PTK2: variants seen among roughly 807,000 people sequenced by gnomAD.
The protein encoded by PTK2 is protein tyrosine kinase 2, also known as focal adhesion kinase 1.
Under a neutral mutation model 150.1 loss-of-function variants are expected in PTK2, and 45 were observed. The observed-to-expected ratio is 0.30, with a 90% CI of 0.24 to 0.38. The LOEUF (loss-of-function observed/expected upper bound fraction) is 0.38, where lower values mean the gene tolerates loss of function less well. Ranked by LOEUF, PTK2 falls within the 10% of genes least tolerant of loss-of-function variation. PTK2 has a pLI of 1.00. For synonymous variants in PTK2, 432 were observed against 449.2 expected (o/e 0.96, Z 0.48); for missense variants, 919 against 1,307.3 (o/e 0.70, Z 4.58).
intron 21 of PTK2, among the ~76,000 whole-genome samples, chr8:140,737,781 T>C (rs908219630): frequency 6.6e-5 from 10 of 152,176 alleles, no homozygotes; most frequent in Admixed American, 5.9e-4. Flanking sequence ...TGTAAAAAAA[T>C]AGGCATCTTA....
At chr8:140,835,471 T>C (rs1419136757) in intron 7 of PTK2, among the ~76,000 whole-genome samples, 1 of 152,232 alleles carries the variant, frequency 6.6e-6, no homozygotes, top group Non-Finnish European at 1.5e-5. Flanking sequence ...GAATTGAGTA[T>C]ATTTAATTTA....
intron 29 of PTK2, chr8:140,669,155 T>C (rs1347735787): frequency 6.6e-6 from 1 of 151,962 alleles, no homozygotes; most frequent in African/African-American, 2.4e-5. Flanking sequence ...TAACAATGTC[T>C]ACCTAGGGCC....
intron 29 of PTK2, among the ~76,000 whole-genome samples, chr8:140,671,910 C>A (rs1400194290): frequency 7.3e-6 from 1 of 137,706 alleles, no homozygotes; most frequent in Non-Finnish European, 1.5e-5. Context: ...CCAGCCTGGG[C>A]AACAGAGTGA....
At chr8:140,669,677 G>A (rs975232373) in intron 29 of PTK2, 50 bp downstream of exon 33, 19 of 1,520,296 alleles carry the variant, frequency 1.2e-5, no homozygotes, top group East Asian at 2.4e-5. Context: ...GCAGAGAGCC[G>A]GGTGTGATAG....
intron 2 of PTK2, among the ~76,000 whole-genome samples, chr8:140,912,192 A>G (rs1375548912): frequency 6.6e-6 from 1 of 152,032 alleles, no homozygotes; most frequent in Non-Finnish European, 1.5e-5. Flanking sequence ...ACAGTGAGCT[A>G]TGATTATGAC....
chr8:140,741,078 A>G (rs1176983160), intron 20 of PTK2, among the ~76,000 whole-genome samples: 1 of 152,038 alleles, frequency 6.6e-6, no homozygotes, highest in Non-Finnish European at 1.5e-5. Flanking sequence ...CAGGAGGTTG[A>G]GGCTGCAGTG....
At chr8:140,840,062 C>T (rs1192491896) in intron 7 of PTK2, among the ~76,000 whole-genome samples, 1 of 152,118 alleles carries the variant, frequency 6.6e-6, no homozygotes, top group East Asian at 1.9e-4. Flanking sequence ...GTCTGAGATA[C>T]AAAAATGGTT....
intron 27 of PTK2, 82 bp downstream of exon 30, chr8:140,686,550 C>A (rs908509454): frequency 2.8e-6 from 3 of 1,074,134 alleles, no homozygotes; most frequent in Non-Finnish European, 4.3e-6. Flanking sequence ...TATTAGTAAA[C>A]TTGGATATAT....
At chr8:140,933,589 T>C (rs1254448961) in intron 1 of PTK2, among the ~76,000 whole-genome samples, 1 of 152,238 alleles carries the variant, frequency 6.6e-6, no homozygotes. Flanking sequence ...GAAGTACTGA[T>C]ACATGCTACA....
chr8:140,871,952 T>C (rs2100142774), intron 4 of PTK2, among the ~76,000 whole-genome samples: 2 of 151,996 alleles, frequency 1.3e-5, no homozygotes, highest in South Asian at 2.1e-4. Context: ...CTCACACCTA[T>C]AATCCCAGCA....
chr8:140,924,205 C>T (rs995680502), intron 2 of PTK2, among the ~76,000 whole-genome samples: 4 of 152,108 alleles, frequency 2.6e-5, no homozygotes, highest in Non-Finnish European at 5.9e-5. Context: ...CTTGCCCCCG[C>T]GTTATCCACA....
chr8:140,780,256 C>T (rs2100080907), intron 14 of PTK2, among the ~76,000 whole-genome samples: 1 of 152,122 alleles, frequency 6.6e-6, no homozygotes, highest in Non-Finnish European at 1.5e-5. Flanking sequence ...TTAATGTCAA[C>T]AGCTGCTAAA....
At chr8:140,799,226 T>G (rs1169197320) in intron 12 of PTK2, 1 of 152,282 alleles carries the variant, frequency 6.6e-6, no homozygotes, top group African/African-American at 2.4e-5. Context: ...GTACCTCCCA[T>G]GCAAACACCA....
At chr8:140,887,904 T>G (rs2100152910) in intron 3 of PTK2, among the ~76,000 whole-genome samples, 1 of 152,166 alleles carries the variant, frequency 6.6e-6, no homozygotes, top group East Asian at 1.9e-4. Flanking sequence ...GCTCAACAAC[T>G]GCACATGGCT....
intron 14 of PTK2, among the ~76,000 whole-genome samples, chr8:140,777,202 C>T (rs1449414982): frequency 1.3e-5 from 2 of 152,272 alleles, no homozygotes; most frequent in East Asian, 3.9e-4. Context: ...AAAGAAAAGA[C>T]GTTTTAATTG....
chr8:140,780,702 TC>T (rs1454254426), intron 14 of PTK2, among the ~76,000 whole-genome samples: 1 of 152,214 alleles, frequency 6.6e-6, no homozygotes, highest in African/African-American at 2.4e-5. Flanking sequence ...AATGGGACAA[TC>T]AGGGATATTT....
chr8:140,673,285 T>C (rs2100011731), intron 29 of PTK2, among the ~76,000 whole-genome samples: 1 of 152,030 alleles, frequency 6.6e-6, no homozygotes, highest in Admixed American at 6.6e-5. Context: ...TTTCTTTGTA[T>C]TTTTAGTAGA....
intron 3 of PTK2, 29 bp downstream of exon 3, chr8:140,890,514 A>G (rs1600913322): frequency 6.4e-7 from 1 of 1,562,004 alleles, no homozygotes; most frequent in East Asian, 2.2e-5. Flanking sequence ...AATAAACATT[A>G]AAGATGTCTC....
At chr8:140,832,631 T>C (rs2100116143) in intron 7 of PTK2, among the ~76,000 whole-genome samples, 2 of 152,040 alleles carry the variant, frequency 1.3e-5, no homozygotes, top group Non-Finnish European at 2.9e-5. Context: ...GACCTGAGGT[T>C]TGCTGGTGGA....
Sources: allele counts gnomAD v4.1 joint callset (sites outside exome capture counted in the v4.1 genomes callset), GRCh38; gene constraint gnomAD v4.1.1; transcripts MANE v1.5; gene names NCBI Gene and HGNC (gene_info 2026-07-23, HGNC 2026-07-21).